The following DIAPH2 variants were observed in gnomAD, a reference collection of about 807,000 sequenced individuals.
DIAPH2 encodes the protein protein diaphanous homolog 2.
A neutral mutation model predicts 92.7 loss-of-function variants in DIAPH2; 35 were observed. That is an observed-to-expected ratio of 0.38 (90% CI 0.29 to 0.50). The LOEUF is 0.50. Ranked by LOEUF, DIAPH2 falls within the 20% of genes least tolerant of loss-of-function variation. The pLI is 0.94. For missense variants in DIAPH2, 701 were observed against 819.5 expected (o/e 0.86, Z 1.77); for synonymous variants, 301 against 280.4 (o/e 1.07, Z -0.73).
At chrX:97,343,404 C>A (rs377661961) in intron 23 of DIAPH2, among the ~76,000 whole-genome samples, 127 of 111,853 alleles carry the variant, frequency 1.1e-3, no homozygotes, top group African/African-American at 3.8e-3. Flanking sequence ...CATGGTGGCT[C>A]ACGCCTGTAA....
intron 3 of DIAPH2, among the ~76,000 whole-genome samples, chrX:96,751,046 G>A (rs1318016321): frequency 8.9e-6 from 1 of 111,843 alleles, no homozygotes; most frequent in African/African-American, 3.2e-5. Flanking sequence ...TAATTATTGC[G>A]GAGAAAAATG....
intron 4 of DIAPH2, among the ~76,000 whole-genome samples, chrX:96,816,497 G>T (rs1174702302): frequency 1.8e-5 from 2 of 112,262 alleles, no homozygotes; most frequent in Non-Finnish European, 3.8e-5. Context: ...GATCATCAGA[G>T]AAATACATAT....
At chrX:96,900,312 A>T (rs772601947) in intron 5 of DIAPH2, among the ~76,000 whole-genome samples, 2 of 111,199 alleles carry the variant, frequency 1.8e-5, no homozygotes, top group South Asian at 3.8e-4. Flanking sequence ...ATTTGTGTAC[A>T]TTGATTTTGT....
At chrX:97,062,947 T>C (rs986220405) in intron 17 of DIAPH2, among the ~76,000 whole-genome samples, 2 of 103,421 alleles carry the variant, frequency 1.9e-5, no homozygotes, top group African/African-American at 7.2e-5. Flanking sequence ...GGCAGGAGAA[T>C]GGCTTGAACC....
intron 17 of DIAPH2, among the ~76,000 whole-genome samples, chrX:96,968,210 AT>A: frequency 9.3e-6 from 1 of 107,831 alleles, no homozygotes; most frequent in East Asian, 2.9e-4. Context: ...TTTTATTTTT[AT>A]TTTATTTATT....
intron 9 of DIAPH2, among the ~76,000 whole-genome samples, chrX:96,919,566 G>A (rs1051092317): frequency 7.2e-5 from 8 of 111,586 alleles, no homozygotes; most frequent in Non-Finnish European, 1.5e-4. Flanking sequence ...ACTTAGCATC[G>A]AATGTTTAAC....
chrX:96,847,645 C>G (rs1166912857), intron 4 of DIAPH2, among the ~76,000 whole-genome samples: 1 of 110,338 alleles, frequency 9.1e-6, no homozygotes, highest in Admixed American at 9.7e-5. Context: ...AAAAAAACAA[C>G]TCTAGGTTTA....
intron 17 of DIAPH2, among the ~76,000 whole-genome samples, chrX:96,972,799 C>A: frequency 9.0e-6 from 1 of 110,900 alleles, no homozygotes; most frequent in Non-Finnish European, 1.9e-5. Context: ...GGCATTCTAG[C>A]TAGAGAATAC....
intron 24 of DIAPH2, among the ~76,000 whole-genome samples, chrX:97,351,711 G>A (rs2069215838): frequency 9.0e-6 from 1 of 110,995 alleles, no homozygotes; most frequent in African/African-American, 3.2e-5. Context: ...GCTGAGGCAG[G>A]AGAATAGCGT....
intron 5 of DIAPH2, among the ~76,000 whole-genome samples, chrX:96,905,211 G>T (rs1181046853): frequency 9.0e-6 from 1 of 111,381 alleles, no homozygotes; most frequent in Admixed American, 9.5e-5. Flanking sequence ...TGTTAATTTG[G>T]ATAATCTAAT....
chrX:97,195,014 A>T (rs1396173014), intron 22 of DIAPH2, among the ~76,000 whole-genome samples: 1 of 112,133 alleles, frequency 8.9e-6, no homozygotes, highest in Non-Finnish European at 1.9e-5. Flanking sequence ...TAATAAAATG[A>T]ATCAATAAAG....
intron 26 of DIAPH2, among the ~76,000 whole-genome samples, chrX:97,444,347 AAGTC>A (rs1350411311): frequency 9.0e-6 from 1 of 111,042 alleles, no homozygotes; most frequent in Non-Finnish European, 1.9e-5. Context: ...TGGTTTCAGA[AAGTC>A]AGTGTATATC....
At chrX:97,150,365 G>A (rs918820120) in intron 22 of DIAPH2, among the ~76,000 whole-genome samples, 2 of 111,762 alleles carry the variant, frequency 1.8e-5, no homozygotes, top group Non-Finnish European at 3.8e-5. Flanking sequence ...CAGAGATCAT[G>A]GCCGTTTGGA....
intron 4 of DIAPH2, among the ~76,000 whole-genome samples, chrX:96,795,374 T>C (rs2064530889): frequency 9.0e-6 from 1 of 111,218 alleles, no homozygotes; most frequent in Admixed American, 9.6e-5. Flanking sequence ...TTCTGGTTAA[T>C]GTTCCAGGTT....
intron 23 of DIAPH2, among the ~76,000 whole-genome samples, chrX:97,343,983 A>T (rs2069135488): frequency 9.0e-6 from 1 of 111,686 alleles, no homozygotes; most frequent in Admixed American, 9.6e-5. Flanking sequence ...TAGCTCCCAC[A>T]ACTCTAAAAT....
At chrX:97,197,617 A>G (rs1055638940) in intron 22 of DIAPH2, among the ~76,000 whole-genome samples, 2 of 112,163 alleles carry the variant, frequency 1.8e-5, no homozygotes, top group African/African-American at 3.2e-5. Flanking sequence ...TTCCTGAGCT[A>G]TATCTGCATT....
Position 97,602,218 on chromosome X carries a change from T to C in DIAPH2, c.*2901T>C, listed in dbSNP as rs1254880803. On this transcript the variant is annotated 3_prime_UTR_variant, in exon 27 of 27. Transcript: ENST00000324765. ...CCAAAATTTATGTCTGTCTCATGTGTAAAAGACATTCATCCCATCCTAACA... is the reference window on the plus strand; with the variant it reads ...CCAAAATTTATGTCTGTCTCATGTGCAAAAGACATTCATCCCATCCTAACA... 1 of 112,440 alleles carries C rather than the reference T, an allele frequency of 8.9e-6. No homozygotes were observed. Among genetic ancestry groups the C allele is most frequent in the Non-Finnish European group, 1.9e-5 (1 of 53,289 alleles). The allele number at this position is 112,440 out of a possible 1,213,427, so 9.3% of individuals were successfully genotyped here.
intron 26 of DIAPH2, among the ~76,000 whole-genome samples, chrX:97,501,767 A>G (rs894664706): frequency 3.6e-5 from 4 of 111,358 alleles, no homozygotes; most frequent in African/African-American, 1.3e-4. Flanking sequence ...ACCTCTTATG[A>G]AATTTTTGAA....
intron 21 of DIAPH2, among the ~76,000 whole-genome samples, chrX:97,138,721 A>C (rs1046160032): frequency 2.7e-5 from 3 of 111,560 alleles, no homozygotes. Context: ...TTGTTTGAAG[A>C]TATATAAAAG....
Sources: gnomAD v4.1 joint callset for allele counts (sites outside exome capture counted in the v4.1 genomes callset) on GRCh38, gnomAD v4.1.1 for gene constraint, MANE v1.5 for transcripts, NCBI Gene and HGNC (gene_info 2026-07-23, HGNC 2026-07-21) for gene names.